Variants in APPL2 observed in about 807,000 individuals in gnomAD.
The protein encoded by APPL2 is adaptor protein, phosphotyrosine interacting with PH domain and leucine zipper 2, also known as DCC-interacting protein 13-beta.
In APPL2, 84 loss-of-function variants were observed where a neutral mutation model predicts 92.7. That is an observed-to-expected ratio of 0.91 (90% confidence interval 0.76 to 1.09). The LOEUF (loss-of-function observed/expected upper bound fraction) is 1.09, where lower values mean the gene tolerates loss of function less well. Ranked by LOEUF, APPL2 falls within the 50% of genes least tolerant of loss-of-function variation. The pLI is 0.00. For synonymous variants in APPL2, 291 were observed against 291.0 expected, an observed-to-expected ratio of 1.00 and a Z score of 0.00; for missense variants, 736 against 824.5, an observed-to-expected ratio of 0.89 and a Z score of 1.31.
At chr12:105,222,884 T>C (rs561330514) in intron 2 of APPL2, among the ~76,000 whole-genome samples, 1 of 152,200 alleles carries the variant, frequency 6.6e-6, no homozygotes, top group Non-Finnish European at 1.5e-5. Flanking sequence ...AGAAACTTTG[T>C]CAGGCTTGCG....
intron 11 of APPL2, 66 bp from the exon 12 acceptor site, chr12:105,195,693 T>C: frequency 1.3e-6 from 2 of 1,567,542 alleles, no homozygotes; most frequent in East Asian, 4.5e-5. Context: ...TTTCTCTACA[T>C]AAACTGAACT....
chr12:105,207,919 T>C (rs7975115), intron 7 of APPL2, 52 bp downstream of exon 7: 115,473 of 1,523,506 alleles, frequency 0.076, 4,919 homozygotes, highest in South Asian at 0.086. Context: ...GAGGAAGGCA[T>C]GAAAGGCCTT....
chr12:105,233,273 T>C, intron 1 of APPL2: 3 of 985,452 alleles, frequency 3.0e-6, no homozygotes, highest in Non-Finnish European at 3.6e-6. Context: ...CAACAGCCAG[T>C]AGTGCCAGGC....
At chr12:105,185,598 TGA>T (rs1359274300) in intron 17 of APPL2, among the ~76,000 whole-genome samples, 1 of 151,606 alleles carries the variant, frequency 6.6e-6, no homozygotes, top group African/African-American at 2.4e-5. Flanking sequence ...CCAGTCCCAG[TGA>T]GATAAGCTGG....
chr12:105,203,347 C>T, intron 9 of APPL2: 1 of 231,904 alleles, frequency 4.3e-6, no homozygotes. Context: ...TAAATTAATG[C>T]ACTGGTCAGA....
chr12:105,219,615 C>T lies in APPL2; in HGVS notation c.154-1890G>A, dbSNP rs75858106. On this transcript the variant is annotated intron_variant, in intron 2 of 20. Transcript: ENST00000258530. ...CTAAATTCCAAGTTTAAAACAATACCTGAAATCATGGTGTAAGGGTTTTAA... is the reference window on the plus strand; with the variant it reads ...CTAAATTCCAAGTTTAAAACAATACTTGAAATCATGGTGTAAGGGTTTTAA... Among the ~76,000 whole-genome samples, 5 of 152,272 alleles carry T rather than the reference C, an allele frequency of 3.3e-5. No individual in the cohort carries two copies. In the East Asian group the frequency reaches 9.6e-4, roughly 29 times the overall value.
rs1196319494 is a variant in APPL2 at position 105,208,155 on chromosome 12, T to C, written c.415+3A>G. On this transcript the variant is annotated splice_donor_region_variant and intron_variant, in intron 6 of 20. Coordinates refer to ENST00000258530, the MANE Select transcript of APPL2 (RefSeq NM_018171.5). ...ACACACCAGGAATGGAGAAGGTGCC[T>C]ACCATTGCTAGCGAGTCCAAATAGA... 5 of 1,614,066 alleles carry C rather than the reference T, an allele frequency of 3.1e-6. No homozygotes were observed. The highest frequency in any genetic ancestry group is 4.2e-6 in the Non-Finnish European group (5 of 1,180,020).
At chr12:105,182,705 C>T (rs995113862) in intron 17 of APPL2, among the ~76,000 whole-genome samples, 17 of 152,234 alleles carry the variant, frequency 1.1e-4, no homozygotes, top group East Asian at 3.9e-4. Context: ...ATAAGTGTGA[C>T]GTGGTGCTGA....
chr12:105,233,121 C>T, intron 1 of APPL2: 2 of 985,460 alleles, frequency 2.0e-6, no homozygotes, highest in South Asian at 4.7e-5. Flanking sequence ...TGAAGAAGTA[C>T]AAGCTGCAGG....
Position 105,174,340 on chromosome 12 carries a change from G to C in APPL2, c.1969C>G (p.His657Asp). 2.5e-6 allele frequency: 4 copies of C among 1,613,828 alleles called. No individual in the cohort carries two copies. In the South Asian group the frequency reaches 4.4e-5, roughly 18 times the overall value. The stretch of plus-strand genomic sequence containing the variant: ...TATGCTTCGGATTCTGCGCCTCTAT[G>C]TTCGTTTGGATTTCCATCATCGTCA... ...PDDDDGNPNE[H>D]RGAESEA is the part of the protein sequence containing the mutation. Residue 657 changes from histidine (H) to aspartate (D), a missense_variant, in exon 21 of 21, where the codon CAT (histidine) becomes GAT (aspartate). Coordinates refer to ENST00000258530, the MANE Select transcript of APPL2 (RefSeq NM_018171.5).
intron 17 of APPL2, among the ~76,000 whole-genome samples, chr12:105,183,427 CA>C (rs1215540675): frequency 6.6e-6 from 1 of 152,140 alleles, no homozygotes; most frequent in Non-Finnish European, 1.5e-5. Flanking sequence ...GTGCTTCCTT[CA>C]GGAGCTCTTG....
In APPL2 at chr12:105,190,160, A is replaced by AG; in HGVS notation, c.1242-6dup. 2 of 1,612,586 alleles carry AG rather than the reference A, an allele frequency of 1.2e-6. No individual in the cohort carries two copies. The highest frequency in any genetic ancestry group is 2.7e-5 in the African/African-American group (2 of 74,952). ...TCTGAATTTTTCAGGTTCTGGCTGAAGGGGAAAAAAATCAATTCCCTTAAC... is the reference window on the plus strand; with the variant it reads ...TCTGAATTTTTCAGGTTCTGGCTGAAGGGGGAAAAAAATCAATTCCCTTAAC... On this transcript the variant is annotated splice_polypyrimidine_tract_variant and splice_region_variant and intron_variant, in intron 14 of 20. Transcript: ENST00000258530.
chr12:105,235,839 G>T, intron 1 of APPL2, 120 bp downstream of exon 1: 1 of 764,482 alleles, frequency 1.3e-6, no homozygotes, highest in Non-Finnish European at 1.8e-6. Context: ...GAGGCGCCGC[G>T]AGGGGGCCGG....
chr12:105,207,283 TG>T, intron 7 of APPL2, 76 bp from the exon 8 acceptor site: 1 of 1,403,040 alleles, frequency 7.1e-7, no homozygotes, highest in Non-Finnish European at 9.6e-7. Context: ...TGCTTCAAAA[TG>T]TGTGTTTATG....
At position 105,174,299 on chromosome 12, in the gene APPL2, A is replaced by G. The variant is rs751970312; in HGVS notation, c.*15T>C. The G allele has an allele frequency of 6.2e-7, 1 of 1,612,742 alleles. No individual in the cohort carries two copies. The highest frequency in any genetic ancestry group is 8.5e-7 in the Non-Finnish European group (1 of 1,179,380). On this transcript the variant is annotated 3_prime_UTR_variant, in exon 21 of 21. Coordinates refer to ENST00000258530, the MANE Select transcript of APPL2 (RefSeq NM_018171.5). ...TCTCCTTCCTGTTTGCTCTTCCCCC[A>G]CAGGCGCAAGTGAGTTATGCTTCGG...
intron 14 of APPL2, among the ~76,000 whole-genome samples, chr12:105,191,713 GTCA>G (rs1406807373): frequency 1.3e-5 from 2 of 152,190 alleles, no homozygotes; most frequent in African/African-American, 4.8e-5. Flanking sequence ...ACACTTCGCA[GTCA>G]TCATAATTGA....
At chr12:105,211,009 A>T (rs1889164693) in intron 5 of APPL2, among the ~76,000 whole-genome samples, 1 of 152,188 alleles carries the variant, frequency 6.6e-6, no homozygotes, top group South Asian at 2.1e-4. Context: ...AAATGACATT[A>T]CAACGATCTG....
chr12:105,229,414 T>C (rs533158838), intron 1 of APPL2, among the ~76,000 whole-genome samples, 191 bp from the exon 2 acceptor site: 3 of 152,326 alleles, frequency 2.0e-5, no homozygotes, highest in Admixed American at 2.0e-4. Flanking sequence ...TAGAGCTCGC[T>C]TTCTAATCCT....
At chr12:105,206,044 C>G (rs914271669) in intron 8 of APPL2, among the ~76,000 whole-genome samples, 2 of 152,244 alleles carry the variant, frequency 1.3e-5, no homozygotes, top group Non-Finnish European at 2.9e-5. Context: ...AGGAAGACAA[C>G]TGAGCTTGGA....
Sources: gnomAD v4.1 joint callset for allele counts (sites outside exome capture counted in the v4.1 genomes callset) on GRCh38, gnomAD v4.1.1 for gene constraint, MANE v1.5 for transcripts, NCBI Gene and HGNC (gene_info 2026-07-23, HGNC 2026-07-21) for gene names.